RGS9: variants seen among roughly 807,000 people sequenced by gnomAD.
The protein encoded by RGS9 is regulator of G protein signaling 9, also known as regulator of G-protein signalling 9.
In RGS9, 78 loss-of-function variants were observed where a neutral mutation model predicts 102.0. That is an observed-to-expected ratio of 0.76 (90% CI 0.64 to 0.92). The LOEUF (loss-of-function observed/expected upper bound fraction) is 0.92. RGS9 is among the 40% of genes least tolerant of loss of function. The pLI is 0.00. For missense variants in RGS9, 833 were observed against 866.1 expected (o/e 0.96, Z 0.48); for synonymous variants, 353 against 318.6 (o/e 1.11, Z -1.15).
rs768330480 is a variant in RGS9, at chr17:65,225,363, G to C, written c.1769G>C (p.Cys590Ser). Residue 590 changes from cysteine (C) to serine (S), a missense_variant, in exon 18 of 19, where the codon TGT becomes TCT. Transcript: ENST00000262406. The part of the protein sequence containing the change: ...LSFSRFLRRG[C>S]LASPVFARLS... The stretch of plus-strand genomic sequence containing the variant: ...TTCAGCAGGTTTCTGAGACGAGGCT[G>C]TCTGGCCTCACCTGTCTTTGCCAGG... The C allele has an allele frequency of 4.3e-5, 69 of 1,611,810 alleles. No individual in the cohort carries two copies. Among genetic ancestry groups the C allele is most frequent in the Non-Finnish European group, 5.2e-5 (61 of 1,180,036 alleles).
At chr17:65,207,673 C>T (rs1335697699) in intron 15 of RGS9, among the ~76,000 whole-genome samples, 1 of 152,082 alleles carries the variant, frequency 6.6e-6, no homozygotes, top group African/African-American at 2.4e-5. Context: ...GTGAATCACT[C>T]CCAGAGTTTC....
chr17:65,149,137 TTG>T (rs1491528732), intron 1 of RGS9, among the ~76,000 whole-genome samples: 101 of 140,642 alleles, frequency 7.2e-4, no homozygotes, highest in African/African-American at 2.6e-3. Context: ...AGTTTTTTTT[TTG>T]TTGTTGTTAT....
chr17:65,167,662 C>G (rs1246964357), intron 7 of RGS9, among the ~76,000 whole-genome samples: 1 of 152,202 alleles, frequency 6.6e-6, no homozygotes, highest in African/African-American at 2.4e-5. Flanking sequence ...CCTGCCTGAC[C>G]AGACGTTGAC....
At chr17:65,227,242 C>A in intron 18 of RGS9, 33 bp from the exon 19 acceptor site, 1 of 1,614,056 alleles carries the variant, frequency 6.2e-7, no homozygotes, top group East Asian at 2.2e-5. Flanking sequence ...TGCCCCTGCC[C>A]CTACATTACT....
chr17:65,197,263 A>C (rs1311243941), intron 13 of RGS9, 22 bp downstream of exon 13: 4 of 1,472,512 alleles, frequency 2.7e-6, no homozygotes, highest in Non-Finnish European at 3.8e-6. Flanking sequence ...TTTACAAAAA[A>C]AAATTAAAAT....
intron 2 of RGS9, among the ~76,000 whole-genome samples, chr17:65,157,131 CACAGG>C (rs1359129876): frequency 7.5e-6 from 1 of 133,576 alleles, no homozygotes; most frequent in African/African-American, 3.1e-5. Context: ...GACATAAGAA[CACAGG>C]GAGTGGAGTC....
At chr17:65,142,238 A>T (rs1910185114) in intron 1 of RGS9, among the ~76,000 whole-genome samples, 1 of 152,184 alleles carries the variant, frequency 6.6e-6, no homozygotes, top group African/African-American at 2.4e-5. Context: ...AGCAAGACTC[A>T]GTCTCAAAAA....
chr17:65,171,813 T>A (rs576522123), intron 8 of RGS9, among the ~76,000 whole-genome samples: 1 of 152,344 alleles, frequency 6.6e-6, no homozygotes, highest in South Asian at 2.1e-4. Context: ...AGTACAGATC[T>A]GAGCACGATG....
chr17:65,165,394 T>G (rs1911138359), intron 7 of RGS9, among the ~76,000 whole-genome samples: 1 of 152,166 alleles, frequency 6.6e-6, no homozygotes. Flanking sequence ...CCACTTATTT[T>G]ATGGCTTAAA....
intron 1 of RGS9, among the ~76,000 whole-genome samples, chr17:65,143,817 G>T (rs1910251940): frequency 6.8e-6 from 1 of 146,868 alleles, no homozygotes; most frequent in Admixed American, 6.8e-5. Flanking sequence ...AAAAAAATTA[G>T]CTGGGCAGGG....
intron 16 of RGS9, 81 bp downstream of exon 16, chr17:65,208,088 A>G (rs967453714): frequency 4.3e-6 from 4 of 926,156 alleles, no homozygotes; most frequent in African/African-American, 3.3e-5. Flanking sequence ...CCAAATGGCT[A>G]TTATGGAGAT....
chr17:65,156,693 T>C (rs567055611), intron 2 of RGS9, among the ~76,000 whole-genome samples: 1 of 152,286 alleles, frequency 6.6e-6, no homozygotes, highest in East Asian at 1.9e-4. Flanking sequence ...GTCAAGTGGA[T>C]GAGAAAGCCC....
chr17:65,187,443 A>G (rs1912166085), intron 9 of RGS9, among the ~76,000 whole-genome samples: 1 of 152,218 alleles, frequency 6.6e-6, no homozygotes, highest in Non-Finnish European at 1.5e-5. Context: ...ATGCAGGAAA[A>G]AGATTTCTTG....
intron 1 of RGS9, among the ~76,000 whole-genome samples, chr17:65,137,829 G>A (rs1909968171): frequency 6.6e-6 from 1 of 152,264 alleles, no homozygotes; most frequent in Non-Finnish European, 1.5e-5. Flanking sequence ...GATGGTCTGC[G>A]GGAGGTGAAA....
Position 65,173,878 on chromosome 17 carries a change from G to C in RGS9, c.583-3854G>C, listed in dbSNP as rs1331308363. 1.3e-5 allele frequency among the ~76,000 whole-genome samples: 2 copies of C among 152,242 alleles called. No homozygotes were observed. The highest frequency in any genetic ancestry group is 2.9e-5 in the Non-Finnish European group (2 of 68,052). ...AGGAGCTTGGGAGTCTCTGAAACCAGCAGAGGCAGAAAGGCAGCCCTCTCA... is the reference window on the plus strand; with the variant it reads ...AGGAGCTTGGGAGTCTCTGAAACCACCAGAGGCAGAAAGGCAGCCCTCTCA... On this transcript the variant is annotated intron_variant, in intron 8 of 18. Coordinates refer to ENST00000262406, the MANE Select transcript of RGS9 (RefSeq NM_003835.4). The surrounding 1 kb of genome is among the most constrained non-coding windows in gnomAD (Gnocchi z 4.8).
intron 11 of RGS9, among the ~76,000 whole-genome samples, chr17:65,192,527 C>T (rs988641276): frequency 3.3e-5 from 5 of 151,476 alleles, no homozygotes; most frequent in East Asian, 1.9e-4. Context: ...CGTGGGAGGA[C>T]GGCTTGAGCT....
At chr17:65,163,134 C>T in intron 7 of RGS9, 45 bp downstream of exon 7, 1 of 872,956 alleles carries the variant, frequency 1.1e-6, no homozygotes, top group Non-Finnish European at 1.8e-6. Context: ...GTCTTTCCTC[C>T]CTCTCTTCCT....
intron 17 of RGS9, among the ~76,000 whole-genome samples, chr17:65,214,238 T>C (rs145087315): frequency 1.3e-5 from 2 of 152,330 alleles, no homozygotes; most frequent in Admixed American, 6.5e-5. Context: ...GCTGGGATTA[T>C]AGGCATGAAC....
At chr17:65,152,245 A>G (rs116177941) in intron 1 of RGS9, among the ~76,000 whole-genome samples, 2,055 of 152,292 alleles carry the variant, frequency 0.013, 40 homozygotes, top group African/African-American at 0.047. Flanking sequence ...GGACCCGCCC[A>G]AGGCTGGCTG....
Sources: allele counts gnomAD v4.1 joint callset (sites outside exome capture counted in the v4.1 genomes callset), GRCh38; gene constraint gnomAD v4.1.1; non-coding constraint Gnocchi (gnomAD v3.1); transcripts MANE v1.5; gene names NCBI Gene and HGNC (gene_info 2026-07-23, HGNC 2026-07-21).